APC2: variants seen among roughly 807,000 people sequenced by gnomAD.
APC2 encodes adenomatous polyposis coli protein 2.
Under a neutral mutation model 72.5 loss-of-function variants are expected in APC2, and 41 were observed. That is an observed-to-expected ratio of 0.57 (90% CI 0.44 to 0.73). The LOEUF is 0.73. Among genes scored for constraint, APC2 ranks in the 30% least tolerant of loss-of-function variants. The pLI is 0.00. For missense variants in APC2, 3,729 were observed against 3,403.4 expected (o/e 1.10, Z -2.38); for synonymous variants, 1,898 against 1,612.0 (o/e 1.18, Z -4.25).
rs763408567 is a variant in APC2, at chr19:1,468,444, G to A, written c.5143G>A (p.Asp1715Asn). 2 of 1,594,484 alleles carry A rather than the reference G, an allele frequency of 1.3e-6. No homozygotes were observed. Among genetic ancestry groups the A allele is most frequent in the Non-Finnish European group, 8.5e-7 (1 of 1,171,984 alleles). ...AATREASSES[D>N]SILSFVSGLS... ...CACGCGGGAGGCCTCGTCCGAGTCC[G>A]ACTCCATCCTGTCCTTCGTATCCGG... The change falls in exon 15 of 15, where the codon GAC (aspartate) becomes AAC (asparagine). Residue 1715 changes from aspartate (D) to asparagine (N), a missense_variant. Transcript: ENST00000590469.
At position 1,462,062 on chromosome 19, in the gene APC2, T is replaced by C; in HGVS notation, c.1738T>C (p.Phe580Leu). The C allele has an allele frequency of 6.2e-7, 1 of 1,613,084 alleles. No individual in the cohort carries two copies. The change falls in exon 14 of 15, where the codon TTC becomes CTC. Residue 580 changes from phenylalanine to leucine, a missense_variant. Transcript: ENST00000590469. The stretch of plus-strand genomic sequence containing the variant: ...CTGCCAGGTGGATGGCGCCCTGGGC[T>C]TCCTGGTGAGCACCCTGACCTACAA... ...AICQVDGALGFLVSTLTYKCQ... is the reference protein window; with the variant it reads ...AICQVDGALGLLVSTLTYKCQ...
rs774412248 is a variant in APC2 at position 1,467,817 on chromosome 19, G to A, written c.4516G>A (p.Val1506Met). ...LCLTTPTEEA[V>M]YCFYGNDSDE... ...CCTCACGACGCCCACTGAGGAGGCC[G>A]TGTACTGCTTCTACGGCAACGACTC... Residue 1506 changes from valine to methionine, a missense_variant, in exon 15 of 15, where the codon GTG becomes ATG. Transcript: ENST00000590469. 5.3e-6 allele frequency: 8 copies of A among 1,505,112 alleles called. No individual in the cohort carries two copies. The highest frequency in any genetic ancestry group is 1.3e-5 in the South Asian group (1 of 78,308). 93.2% of individuals were successfully genotyped at this position (1,505,112 alleles called of 1,614,324 possible). A position where few individuals can be genotyped will look rare whatever the true frequency, so the allele number is the denominator to read the frequency against.
chr19:1,461,830 GGA>G (rs894801092), intron 13 of APC2, 131 bp from the exon 14 acceptor site: 2 of 726,484 alleles, frequency 2.8e-6, no homozygotes, highest in Non-Finnish European at 4.4e-6. Context: ...CCAGCCTGGG[GGA>G]GAGAGTGAGA....
chr19:1,468,817 G>T lies in APC2; in HGVS notation c.5516G>T (p.Arg1839Leu). 6.5e-7 allele frequency: 1 copy of T among 1,541,356 alleles called. No individual in the cohort carries two copies. The highest frequency in any genetic ancestry group is 1.2e-5 in the South Asian group (1 of 84,930). Residue 1839 changes from arginine (R) to leucine (L), a missense_variant, in exon 15 of 15, where the codon CGG becomes CTG. Physicochemically the swap from Arg to Leu is moderately radical, Grantham distance 102. Transcript: ENST00000590469. ...AAAGTCCCGAGCCCCGGGCAGCAGC[G>T]GTCGCGGAGCCTACACCGGCCTGCC... ...PAKVPSPGQQ[R>L]SRSLHRPAKT...
In APC2 at chr19:1,470,200, CCCTCCTGGAATAGTGGCCTAGGCCGG is replaced by C. The variant is rs2145266100; in HGVS notation, c.6903_*16del. 1.9e-6 allele frequency: 3 copies of C among 1,596,230 alleles called. No homozygotes were observed. The South Asian group carries it at 3.4e-5, about 18-fold the overall frequency. ...AAAGCCCCGGCCACTGCCTCCGCCA[CCCTCCTGGAATAGTGGCCTAGGCCGG>C]CCTTCTGGAACGTTCTCTCCCGGCC... On this transcript the variant is annotated stop_lost and 3_prime_UTR_variant, in exon 15 of 15. Coordinates refer to ENST00000590469, the MANE Select transcript of APC2 (RefSeq NM_005883.3).
Position 1,469,696 on chromosome 19 carries a change from A to C in APC2, c.6395A>C (p.Glu2132Ala). The C allele has an allele frequency of 2.2e-6, 3 of 1,346,250 alleles. No individual in the cohort carries two copies. Among genetic ancestry groups the C allele is most frequent in the Non-Finnish European group, 2.8e-6 (3 of 1,054,844 alleles). 83.4% of individuals were successfully genotyped at this position (1,346,250 alleles called of 1,614,324 possible). Residue 2132 changes from glutamate to alanine, a missense_variant, in exon 15 of 15, where the codon GAG becomes GCG. Coordinates refer to ENST00000590469, the MANE Select transcript of APC2 (RefSeq NM_005883.3). ...ADAARRSSDG[E>A]PRPLPRVAAP... ...GCCGCGCGCCGCAGCAGCGACGGGG[A>C]GCCCCGGCCGCTCCCCAGGGTGGCC...
rs574957865 is a variant in APC2 at position 1,466,049 on chromosome 19, G to A, written c.2748G>A (p.Lys916=). ...GGGCGCACCCGCTGCTGCGGCTCAA[G>A]GCGGCCCACGCCAGCCTCTCCAACG... ...GSRAHPLLRL[K]AAHASLSNDS... Residue 916 remains lysine (K), a synonymous_variant, in exon 15 of 15, where the codon AAG becomes AAA. Transcript: ENST00000590469. 55 of 1,503,282 alleles carry A rather than the reference G, an allele frequency of 3.7e-5. No individual in the cohort carries two copies. The African/African-American group carries it at 6.2e-4, about 17-fold the overall frequency. The allele number at this position is 1,503,282 out of a possible 1,614,324, so 93.1% of individuals were successfully genotyped here. A position where few individuals can be genotyped will look rare whatever the true frequency, so the allele number is the denominator to read the frequency against.
chr19:1,453,135 G>C lies in APC2; in HGVS notation c.134G>C (p.Gly45Ala), dbSNP rs139475598. 44 of 1,601,646 alleles carry C rather than the reference G, an allele frequency of 2.7e-5. No individual in the cohort carries two copies. Among genetic ancestry groups the C allele is most frequent in the South Asian group, 1.9e-4 (17 of 89,304 alleles). Residue 45 changes from glycine (G) to alanine (A), a missense_variant, in exon 2 of 15, where the codon GGC becomes GCC. By Grantham distance (60) the Gly-to-Ala change is moderately conservative. Coordinates refer to ENST00000590469, the MANE Select transcript of APC2 (RefSeq NM_005883.3). ...TCCAAGCTGGAGACAGAGACGTCGG[G>C]CATGAAGGTGGGGGCCTACATGGAG... ...HLSKLETETS[G>A]MKEVLKHLQG...
chr19:1,468,376 G>A lies in APC2; in HGVS notation c.5075G>A (p.Gly1692Asp), dbSNP rs1437346045. Residue 1692 changes from glycine (G) to aspartate (D), a missense_variant, in exon 15 of 15, where the codon GGC becomes GAC. Coordinates refer to ENST00000590469, the MANE Select transcript of APC2 (RefSeq NM_005883.3). ...GTGGAGTGGCGCGCCATCCAGGAGG[G>A]CGCCAATTCAATTGTCACGTGGCTG... Reference protein sequence around the residue: ...DSVEWRAIQEGANSIVTWLHQ... With the variant: ...DSVEWRAIQEDANSIVTWLHQ... 6.3e-7 allele frequency: 1 copy of A among 1,577,620 alleles called. No individual in the cohort carries two copies. The highest frequency in any genetic ancestry group is 1.1e-5 in the South Asian group (1 of 87,008).
In APC2 at chr19:1,466,051, C is replaced by A; in HGVS notation, c.2750C>A (p.Ala917Glu). The change falls in exon 15 of 15, where the codon GCG (alanine) becomes GAG (glutamate). Residue 917 changes from alanine to glutamate, a missense_variant. Physicochemically the swap from Ala to Glu is moderately radical, Grantham distance 107. Transcript: ENST00000590469. ...GCGCACCCGCTGCTGCGGCTCAAGG[C>A]GGCCCACGCCAGCCTCTCCAACGAC... is the stretch of plus-strand genomic sequence containing the variant. ...SRAHPLLRLK[A>E]AHASLSNDSL... The A allele has an allele frequency of 6.7e-7, 1 of 1,501,080 alleles. No homozygotes were observed. The highest frequency in any genetic ancestry group is 8.8e-7 in the Non-Finnish European group (1 of 1,136,282). The allele number at this position is 1,501,080 out of a possible 1,614,324, so 93.0% of individuals were successfully genotyped here.
At position 1,466,630 on chromosome 19, in the gene APC2, T is replaced by C; in HGVS notation, c.3329T>C (p.Leu1110Pro). Residue 1110 changes from leucine to proline, a missense_variant, in exon 15 of 15, where the codon CTG (leucine) becomes CCG (proline). Leu to Pro is a moderately conservative substitution (Grantham distance 98). Coordinates refer to ENST00000590469, the MANE Select transcript of APC2 (RefSeq NM_005883.3). ...LEEAGPSEAE[L>P]DSTWRAPGAT... ...GAGGCCGGCCCCAGCGAGGCTGAGC[T>C]GGACAGCACGTGGCGGGCGCCCGGG... 6.6e-7 allele frequency: 1 copy of C among 1,510,328 alleles called. No individual in the cohort carries two copies. Among genetic ancestry groups the C allele is most frequent in the Non-Finnish European group, 8.8e-7 (1 of 1,132,110 alleles). 93.6% of individuals were successfully genotyped at this position (1,510,328 alleles called of 1,614,324 possible).
rs537258047 is a variant in APC2, at chr19:1,462,109, C to A, written c.1785C>A (p.Ala595=). The part of the protein sequence containing the change: ...LTYKCQSNSL[A]IIESGGGILR... Reference sequence around the variant, plus strand: ...ACAAGTGTCAGAGCAACTCGCTGGCCATCATCGAGAGCGGCGGCGGCATCC... The same window carrying A: ...ACAAGTGTCAGAGCAACTCGCTGGCAATCATCGAGAGCGGCGGCGGCATCC... The change falls in exon 14 of 15, where the codon GCC becomes GCA. Residue 595 remains alanine (A), a synonymous_variant. Transcript: ENST00000590469. 2 of 1,612,896 alleles carry A rather than the reference C, an allele frequency of 1.2e-6. No homozygotes were observed. Among genetic ancestry groups the A allele is most frequent in the Non-Finnish European group, 1.7e-6 (2 of 1,180,006 alleles).
chr19:1,449,496 A>C (rs2145171317), upstream of APC2, among the ~76,000 whole-genome samples: 1 of 152,334 alleles, frequency 6.6e-6, no homozygotes, highest in East Asian at 1.9e-4. Flanking sequence ...ATTGAGAGAC[A>C]GAGAACAGAG....
At chr19:1,465,046 A>C in intron 14 of APC2, 109 bp from the exon 15 acceptor site, 1 of 1,267,640 alleles carries the variant, frequency 7.9e-7, no homozygotes, top group Non-Finnish European at 1.1e-6. Context: ...TCCAAGATCC[A>C]AACCTAACCA....
rs768385452 is a variant in APC2 at position 1,467,943 on chromosome 19, G to GCTT, written c.4643_4644insTTC (p.Ala1548_Pro1549insSer). On this transcript the variant is annotated inframe_insertion, in exon 15 of 15. Transcript: ENST00000590469. ...GGAGCGTCCGCAGGGCCGGAAGGAG[G>GCTT]CCCCTGCCCCGTCCAAGGCTGCACC... 1 of 1,584,970 alleles carries GCTT rather than the reference G, an allele frequency of 6.3e-7. No individual in the cohort carries two copies. Among genetic ancestry groups the GCTT allele is most frequent in the East Asian group, 2.3e-5 (1 of 43,430 alleles).
At chr19:1,463,959 G>T (rs923113949) in intron 14 of APC2, among the ~76,000 whole-genome samples, 1 of 152,132 alleles carries the variant, frequency 6.6e-6, no homozygotes, top group Non-Finnish European at 1.5e-5. Flanking sequence ...CGGATCACCT[G>T]AGGTCAGGAG....
In APC2 at chr19:1,465,271, C is replaced by G; in HGVS notation, c.1970C>G (p.Ala657Gly). ...CTCTGGAACCTGTCGGCCCGCAGCG[C>G]CCGTGACCAGGAGCTGCTGTGGGAC... ...GTLWNLSARS[A>G]RDQELLWDLG... The change falls in exon 15 of 15, where the codon GCC becomes GGC. Residue 657 changes from alanine to glycine, a missense_variant. By Grantham distance (60) the Ala-to-Gly change is moderately conservative. Coordinates refer to ENST00000590469, the MANE Select transcript of APC2 (RefSeq NM_005883.3). 6.2e-7 allele frequency: 1 copy of G among 1,606,484 alleles called. No individual in the cohort carries two copies. Among genetic ancestry groups the G allele is most frequent in the Non-Finnish European group, 8.5e-7 (1 of 1,179,138 alleles).
In APC2 at chr19:1,470,543, A is replaced by T; in HGVS notation, c.*330A>T. 2 of 247,582 alleles carry T rather than the reference A, an allele frequency of 8.1e-6. No individual in the cohort carries two copies. The highest frequency in any genetic ancestry group is 5.5e-5 in the Admixed American group (1 of 18,238). The allele number at this position is 247,582 out of a possible 1,614,324, so 15.3% of individuals were successfully genotyped here. On this transcript the variant is annotated 3_prime_UTR_variant, in exon 15 of 15. Transcript: ENST00000590469. ...GCCGTTGCTTGACCCCGGGCGAGGG[A>T]GGCGGTAGCCTCCGGGTCCGGGTCT...
Position 1,469,588 on chromosome 19 carries a change from T to C in APC2, c.6287T>C (p.Val2096Ala). 1.6e-6 allele frequency: 2 copies of C among 1,260,130 alleles called. No homozygotes were observed. Among genetic ancestry groups the C allele is most frequent in the South Asian group, 1.8e-5 (1 of 54,642 alleles). The allele number at this position is 1,260,130 out of a possible 1,614,324, so 78.1% of individuals were successfully genotyped here. A position where few individuals can be genotyped will look rare whatever the true frequency, so the allele number is the denominator to read the frequency against. ...GCGCCCGCCGCCCGGCCGGAGACTGTCAAGCGCTACGCGTCGCTGCCGCAC... is the reference window on the plus strand; with the variant it reads ...GCGCCCGCCGCCCGGCCGGAGACTGCCAAGCGCTACGCGTCGCTGCCGCAC... Reference protein sequence around the residue: ...VRAPAARPETVKRYASLPHIS... With the variant: ...VRAPAARPETAKRYASLPHIS... The change falls in exon 15 of 15, where the codon GTC becomes GCC. Residue 2096 changes from valine to alanine, a missense_variant. Physicochemically the swap from Val to Ala is moderately conservative, Grantham distance 64 (BLOSUM62 0). Coordinates refer to ENST00000590469, the MANE Select transcript of APC2 (RefSeq NM_005883.3).
Sources: gnomAD v4.1 joint callset for allele counts (sites outside exome capture counted in the v4.1 genomes callset) on GRCh38, gnomAD v4.1.1 for gene constraint, MANE v1.5 for transcripts, NCBI Gene and HGNC (gene_info 2026-07-23, HGNC 2026-07-21) for gene names.